Variants in LRRIQ1 observed in about 807,000 individuals in gnomAD.
LRRIQ1 encodes the protein leucine-rich repeat- and IQ domain-containing protein 1.
In LRRIQ1, 210 loss-of-function variants were observed where a neutral mutation model predicts 211.9. The ratio of observed to expected loss-of-function variants is 0.99; its 90% confidence interval spans 0.89 to 1.11. LRRIQ1 has a LOEUF of 1.11. Among genes scored for constraint, LRRIQ1 ranks in the 50% most tolerant of loss-of-function variants. The probability of loss-of-function intolerance (pLI) is 0.00; values close to 1 mark genes in which losing one functional copy is unlikely to be tolerated. For synonymous variants in LRRIQ1, 699 were observed against 650.1 expected (o/e 1.08, Z -1.14); for missense variants, 2,136 against 1,939.5 (o/e 1.10, Z -1.90).
At chr12:85,232,527 A>G (rs1507210) in intron 25 of LRRIQ1, among the ~76,000 whole-genome samples, 169 bp from the exon 26 acceptor site, 2,972 of 152,274 alleles carry the variant, frequency 0.02, 97 homozygotes, top group African/African-American at 0.068. Context: ...TTTAAATTAG[A>G]GAAAGATGTA....
intron 19 of LRRIQ1, among the ~76,000 whole-genome samples, chr12:85,151,364 A>G (rs1890229103): frequency 6.6e-6 from 1 of 151,632 alleles, no homozygotes; most frequent in Non-Finnish European, 1.5e-5. Flanking sequence ...GGCAGTCAAG[A>G]CACACTGTAA....
chr12:85,192,065 GGTT>G (rs1347611206), intron 24 of LRRIQ1, among the ~76,000 whole-genome samples: 1 of 151,450 alleles, frequency 6.6e-6, no homozygotes, highest in Non-Finnish European at 1.5e-5. Context: ...TGTCACGGGG[GGTT>G]GTTTACAGAT....
chr12:85,269,198 A>T (rs866109534), downstream of LRRIQ1, among the ~76,000 whole-genome samples: 3 of 151,970 alleles, frequency 2.0e-5, no homozygotes, highest in South Asian at 6.2e-4. Context: ...GGGAAACAGG[A>T]TTGGATCAAC....
At chr12:85,104,566 T>G (rs1220352132) in intron 14 of LRRIQ1, among the ~76,000 whole-genome samples, 4 of 151,962 alleles carry the variant, frequency 2.6e-5, no homozygotes, top group Non-Finnish European at 5.9e-5. Flanking sequence ...CATTCCTTTT[T>G]TTCTACAACT....
At chr12:85,062,373 C>A (rs1881923693) in intron 8 of LRRIQ1, among the ~76,000 whole-genome samples, 1 of 151,660 alleles carries the variant, frequency 6.6e-6, no homozygotes, top group Non-Finnish European at 1.5e-5. Flanking sequence ...CGTGTTTTCC[C>A]CAGTGTCTGT....
At chr12:85,152,435 C>T (rs972888694) in intron 20 of LRRIQ1, 66 bp downstream of exon 20, 92 of 1,209,780 alleles carry the variant, frequency 7.6e-5, no homozygotes, top group Non-Finnish European at 1.0e-4. Flanking sequence ...TGCTATGTTG[C>T]AGTGATTAAT....
chr12:85,234,703 A>C (rs765105580), intron 26 of LRRIQ1, among the ~76,000 whole-genome samples: 50 of 152,336 alleles, frequency 3.3e-4, no homozygotes, highest in Admixed American at 1.4e-3. Context: ...AAGTAAAAAC[A>C]GAAAGAAAAA....
chr12:85,200,542 A>G (rs770575640), intron 24 of LRRIQ1, among the ~76,000 whole-genome samples: 3 of 152,062 alleles, frequency 2.0e-5, no homozygotes, highest in Non-Finnish European at 4.4e-5. Context: ...GTTACAGTTT[A>G]TAAGAGGTTT....
chr12:85,099,404 C>T (rs576494504), intron 13 of LRRIQ1, among the ~76,000 whole-genome samples: 92 of 151,926 alleles, frequency 6.1e-4, no homozygotes, highest in Non-Finnish European at 1.3e-3. Flanking sequence ...CTGCTCTCAA[C>T]TTGCTTGTCT....
chr12:85,066,675 C>A, intron 9 of LRRIQ1, 73 bp from the exon 10 acceptor site: 3 of 1,224,228 alleles, frequency 2.5e-6, no homozygotes, highest in Non-Finnish European at 3.3e-6. Context: ...TTTCTTTCCT[C>A]TTTTTGAAAG....
At chr12:85,168,554 T>C (rs762410939) in intron 24 of LRRIQ1, among the ~76,000 whole-genome samples, 5 of 152,222 alleles carry the variant, frequency 3.3e-5, no homozygotes, top group Non-Finnish European at 5.9e-5. Flanking sequence ...GAATATAATG[T>C]CATAGGAATA....
downstream of LRRIQ1, among the ~76,000 whole-genome samples, chr12:85,246,265 T>A (rs1414566062): frequency 6.6e-6 from 1 of 151,150 alleles, no homozygotes; most frequent in East Asian, 1.9e-4. Context: ...ATTATTCACC[T>A]AATGTAAACT....
chr12:85,188,351 A>C (rs1016030501), intron 24 of LRRIQ1, among the ~76,000 whole-genome samples: 1 of 152,146 alleles, frequency 6.6e-6, no homozygotes, highest in Admixed American at 6.6e-5. Flanking sequence ...CAAGATGTAC[A>C]TCTTATTCAG....
At chr12:85,209,735 A>G (rs1289703262) in intron 24 of LRRIQ1, among the ~76,000 whole-genome samples, 2 of 152,172 alleles carry the variant, frequency 1.3e-5, no homozygotes, top group East Asian at 3.9e-4. Context: ...AGAGCATGAG[A>G]TGCTATTTCT....
At chr12:85,087,899 T>C (rs1458853778) in intron 11 of LRRIQ1, among the ~76,000 whole-genome samples, 1 of 152,236 alleles carries the variant, frequency 6.6e-6, no homozygotes, top group African/African-American at 2.4e-5. Flanking sequence ...GTAGGTTTCC[T>C]GTTCACTCTG....
At position 85,124,200 on chromosome 12, in the gene LRRIQ1, G is replaced by A. The variant is rs1888193467; in HGVS notation, c.3688G>A (p.Ala1230Thr). Residue 1230 changes from alanine to threonine, a missense_variant, in exon 17 of 27, where the codon GCC becomes ACC. Physicochemically the swap from Ala to Thr is moderately conservative, Grantham distance 58. Coordinates refer to ENST00000393217, the MANE Select transcript of LRRIQ1 (RefSeq NM_001079910.2). The part of the protein sequence containing the change: ...VTITKKDESE[A>T]QKNHLAPTNS... ...TATCACCAAGAAAGATGAATCAGAA[G>A]CCCAGAAAAATCATTTGGCCCCTAC... 1 of 1,613,972 alleles carries A rather than the reference G, an allele frequency of 6.2e-7. No individual in the cohort carries two copies.
intron 24 of LRRIQ1, among the ~76,000 whole-genome samples, chr12:85,198,108 T>C (rs1268167292): frequency 5.0e-5 from 6 of 119,844 alleles, no homozygotes; most frequent in Non-Finnish European, 9.8e-5. Context: ...TTATATTATT[T>C]ATATATAATA....
At chr12:85,113,139 T>C (rs1887307559) in intron 15 of LRRIQ1, among the ~76,000 whole-genome samples, 1 of 152,176 alleles carries the variant, frequency 6.6e-6, no homozygotes, top group Non-Finnish European at 1.5e-5. Context: ...TCCTTAACTT[T>C]TGTTGAATAC....
chr12:85,239,899 ACCG>A (rs1895386346), intron 26 of LRRIQ1, among the ~76,000 whole-genome samples: 2 of 152,080 alleles, frequency 1.3e-5, no homozygotes, highest in Non-Finnish European at 2.9e-5. Context: ...AATCCCTTGA[ACCG>A]GGGAGGCAGA....
Sources: allele counts gnomAD v4.1 joint callset (sites outside exome capture counted in the v4.1 genomes callset), GRCh38; gene constraint gnomAD v4.1.1; transcripts MANE v1.5; gene names NCBI Gene and HGNC (gene_info 2026-07-23, HGNC 2026-07-21).